The following ECPAS variants were observed in gnomAD, a reference collection of about 807,000 sequenced individuals.
ECPAS encodes Ecm29 proteasome adaptor and scaffold, also known as proteasome adapter and scaffold protein ECM29.
ECPAS carries 70 observed loss-of-function variants against 255.1 expected under a neutral mutation model. The ratio of observed to expected loss-of-function variants is 0.27; its 90% CI spans 0.23 to 0.33. The LOEUF is 0.33. ECPAS is among the 10% of genes least tolerant of loss of function. The pLI, the probability that ECPAS is intolerant of heterozygous loss-of-function variation, is 1.00. For synonymous variants in ECPAS, 784 were observed against 775.0 expected, an observed-to-expected ratio of 1.01 and a Z score of -0.19; for missense variants, 1,817 against 2,206.4, an observed-to-expected ratio of 0.82 and a Z score of 3.54.
chr9:111,370,504 A>G lies in ECPAS; in HGVS notation c.4905T>C (p.Asp1635=). Residue 1635 remains aspartate (D), a synonymous_variant, in exon 45 of 50, where the codon GAT becomes GAC. Coordinates refer to ENST00000684092, the MANE Select transcript of ECPAS (RefSeq NM_001364929.1). ...YKIVAISCAA[D]ILKATKEDRF... is the part of the protein sequence containing the mutation. ...TGTCCTCTTTGGTGGCCTTCAAGAT[A>G]TCAGCTGCACAGCTGATTGCTACAA... The G allele has an allele frequency of 1.2e-6, 2 of 1,611,914 alleles. No individual in the cohort carries two copies. Among genetic ancestry groups the G allele is most frequent in the South Asian group, 1.1e-5 (1 of 90,496 alleles).
chr9:111,432,539 G>A (rs1202703219), intron 8 of ECPAS, among the ~76,000 whole-genome samples: 1 of 152,196 alleles, frequency 6.6e-6, no homozygotes, highest in Non-Finnish European at 1.5e-5. Context: ...GCTTGAACCT[G>A]GTAGGTGGAG....
intron 2 of ECPAS, among the ~76,000 whole-genome samples, chr9:111,466,613 A>G (rs1284773795): frequency 7.9e-6 from 1 of 126,936 alleles, no homozygotes; most frequent in African/African-American, 3.0e-5. Flanking sequence ...ATAAATAACT[A>G]AATACACACA....
chr9:111,430,223 A>C (rs2098227828), intron 9 of ECPAS, among the ~76,000 whole-genome samples: 1 of 152,214 alleles, frequency 6.6e-6, no homozygotes, highest in Non-Finnish European at 1.5e-5. Context: ...TATTGCCTAT[A>C]GTTGCTTTCA....
Position 111,361,971 on chromosome 9 carries a change from A to T in ECPAS, c.*59T>A. ...CTTTTTCCCACTTGGTTTTTCAAAG[A>T]ACACCACCACTTCAACCCCCAATGA... On this transcript the variant is annotated 3_prime_UTR_variant, in exon 50 of 50. Transcript: ENST00000684092. The T allele has an allele frequency of 6.4e-7, 1 of 1,574,460 alleles. No individual in the cohort carries two copies. The highest frequency in any genetic ancestry group is 1.8e-5 in the Admixed American group (1 of 54,590).
chr9:111,373,959 T>C lies in ECPAS; in HGVS notation c.4177+13A>G. ...GTGCAAAAATATCACCACACATCCC[T>C]TGACAAACTCACCTGAGTAAGGTGT... On this transcript the variant is annotated intron_variant, in intron 39 of 49. Transcript: ENST00000684092. 6.2e-7 allele frequency: 1 copy of C among 1,605,094 alleles called. No homozygotes were observed. The highest frequency in any genetic ancestry group is 8.5e-7 in the Non-Finnish European group (1 of 1,171,862).
intron 40 of ECPAS, 36 bp downstream of exon 40, chr9:111,373,279 A>G (rs372475830): frequency 1.2e-6 from 2 of 1,612,942 alleles, no homozygotes; most frequent in Non-Finnish European, 1.7e-6. Flanking sequence ...TAACTGTCAA[A>G]GAGTTTTATT....
chr9:111,364,144 T>A (rs1287810025), intron 48 of ECPAS, among the ~76,000 whole-genome samples: 1 of 152,200 alleles, frequency 6.6e-6, no homozygotes, highest in African/African-American at 2.4e-5. Context: ...TGCCAACAAC[T>A]GCGAATGAAA....
intron 8 of ECPAS, among the ~76,000 whole-genome samples, chr9:111,431,154 C>T (rs1237337248): frequency 2.0e-5 from 3 of 152,230 alleles, no homozygotes; most frequent in Non-Finnish European, 4.4e-5. Flanking sequence ...CCCCTCCTTC[C>T]TTATCTACCA....
Position 111,433,378 on chromosome 9 carries a change from G to C in ECPAS, c.709-6C>G, listed in dbSNP as rs1251289090. ...TTCACGATTCCCAATTTGCACTGTAGATAAATGAAGGGAAGGAGAAAGAAC... is the reference window on the plus strand; with the variant it reads ...TTCACGATTCCCAATTTGCACTGTACATAAATGAAGGGAAGGAGAAAGAAC... On this transcript the variant is annotated splice_polypyrimidine_tract_variant and splice_region_variant and intron_variant, in intron 7 of 49. Transcript: ENST00000684092. 2 of 1,613,834 alleles carry C rather than the reference G, an allele frequency of 1.2e-6. No homozygotes were observed. Among genetic ancestry groups the C allele is most frequent in the Admixed American group, 3.3e-5 (2 of 60,030 alleles).
chr9:111,437,622 G>C (rs376352130), intron 6 of ECPAS, among the ~76,000 whole-genome samples: 3 of 151,952 alleles, frequency 2.0e-5, no homozygotes, highest in African/African-American at 7.3e-5. Flanking sequence ...GGCCACATAA[G>C]CACATAAGCA....
At chr9:111,411,271 C>T (rs1476448080) in intron 21 of ECPAS, 129 bp from the exon 22 acceptor site, 15 of 963,694 alleles carry the variant, frequency 1.6e-5, no homozygotes, top group Non-Finnish European at 1.9e-5. Context: ...AAAGTGAACA[C>T]TCGAGGTTTC....
intron 37 of ECPAS, among the ~76,000 whole-genome samples, chr9:111,376,268 G>A (rs186996053): frequency 1.3e-5 from 2 of 152,158 alleles, no homozygotes; most frequent in Admixed American, 1.3e-4. Context: ...TACAAATTTG[G>A]ACCAACTGTT....
chr9:111,418,213 T>C (rs974144754), intron 16 of ECPAS, among the ~76,000 whole-genome samples: 1 of 152,208 alleles, frequency 6.6e-6, no homozygotes, highest in African/African-American at 2.4e-5. Context: ...GGGACTCATC[T>C]GGCTTACATC....
At position 111,405,986 on chromosome 9, in the gene ECPAS, C is replaced by G. The variant is rs1208907057; in HGVS notation, c.2652+2585G>C. Among the ~76,000 whole-genome samples the G allele has an allele frequency of 1.3e-5, 2 of 149,666 alleles. 1 individual carries two copies. Among genetic ancestry groups the G allele is most frequent in the East Asian group, 4.0e-4 (2 of 4,986 alleles). ...CTCAAAAAACTAAAAATAGAACTAT[C>G]ATATAACCCAGCAATCCCAGTATGT... On this transcript the variant is annotated intron_variant, in intron 24 of 49. Transcript: ENST00000684092.
chr9:111,458,229 T>C (rs1169152684), intron 2 of ECPAS, among the ~76,000 whole-genome samples: 1 of 152,246 alleles, frequency 6.6e-6, no homozygotes, highest in African/African-American at 2.4e-5. Flanking sequence ...GTTAGTAAAC[T>C]AAACCTCTCT....
At chr9:111,421,626 G>C (rs113821601) in intron 15 of ECPAS, among the ~76,000 whole-genome samples, 3 of 151,896 alleles carry the variant, frequency 2.0e-5, no homozygotes, top group Admixed American at 6.6e-5. Context: ...CTACCCCAGC[G>C]GACAGTAGTG....
chr9:111,392,619 C>G (rs947531598), intron 28 of ECPAS, 149 bp downstream of exon 28: 57 of 595,816 alleles, frequency 9.6e-5, no homozygotes, highest in Middle Eastern at 5.1e-4. Context: ...ATTGTGCTAT[C>G]CACAGCACAA....
rs1311304525 is a variant in ECPAS, at chr9:111,361,931, A to G, written c.*99T>C. The G allele has an allele frequency of 7.3e-7, 1 of 1,377,808 alleles. No homozygotes were observed. The highest frequency in any genetic ancestry group is 1.5e-5 in the African/African-American group (1 of 68,524). The allele number at this position is 1,377,808 out of a possible 1,614,324, so 85.3% of individuals were successfully genotyped here. A position where few individuals can be genotyped will look rare whatever the true frequency, so the allele number is the denominator to read the frequency against. On this transcript the variant is annotated 3_prime_UTR_variant, in exon 50 of 50. Coordinates refer to ENST00000684092, the MANE Select transcript of ECPAS (RefSeq NM_001364929.1). Reference sequence around the variant, plus strand: ...TTTCAGCCAAGGAATGATGCATGCTACAGATTAATCTTTACTTTTTCCCAC... The same window carrying G: ...TTTCAGCCAAGGAATGATGCATGCTGCAGATTAATCTTTACTTTTTCCCAC...
rs55677220 is a variant in ECPAS at position 111,415,373 on chromosome 9, C to T, written c.1765-722G>A. 6.1e-3 allele frequency among the ~76,000 whole-genome samples: 934 copies of T among 152,028 alleles called. 8 individuals carry two copies. The highest frequency in any genetic ancestry group is 0.022 in the African/African-American group (900 of 41,470). On this transcript the variant is annotated intron_variant, in intron 18 of 49. Transcript: ENST00000684092. ...AGAATCTGAGAAAATGGGTTCAATTCATCTACAGAAAAATAGATATAACAC... is the reference window on the plus strand; with the variant it reads ...AGAATCTGAGAAAATGGGTTCAATTTATCTACAGAAAAATAGATATAACAC...
Sources: gnomAD v4.1 joint callset for allele counts (sites outside exome capture counted in the v4.1 genomes callset) on GRCh38, gnomAD v4.1.1 for gene constraint, MANE v1.5 for transcripts, NCBI Gene and HGNC (gene_info 2026-07-23, HGNC 2026-07-21) for gene names.